RALGAPA2: variants seen among roughly 807,000 people sequenced by gnomAD.
The protein encoded by RALGAPA2 is Ral GTPase activating protein catalytic subunit alpha 2, also known as ral GTPase-activating protein subunit alpha-2.
Under a neutral mutation model 230.4 loss-of-function variants are expected in RALGAPA2, and 139 were observed. The ratio of observed to expected loss-of-function variants is 0.60; its 90% CI spans 0.53 to 0.69. RALGAPA2 has a LOEUF of 0.69. Ranked by LOEUF, RALGAPA2 falls within the 30% of genes least tolerant of loss-of-function variation. RALGAPA2 has a pLI of 0.00. For synonymous variants in RALGAPA2, 847 were observed against 837.8 expected, an observed-to-expected ratio of 1.01 and a Z score of -0.19; for missense variants, 2,163 against 2,276.0, an observed-to-expected ratio of 0.95 and a Z score of 1.01.
intron 3 of RALGAPA2, among the ~76,000 whole-genome samples, chr20:20,661,129 G>A (rs1434659808): frequency 6.6e-6 from 1 of 152,130 alleles, no homozygotes; most frequent in Non-Finnish European, 1.5e-5. Flanking sequence ...TGGAGTTAAA[G>A]TAAAAGTATA....
chr20:20,603,759 A>G (rs878999390), intron 15 of RALGAPA2, among the ~76,000 whole-genome samples: 2 of 152,308 alleles, frequency 1.3e-5, no homozygotes, highest in African/African-American at 4.8e-5. Context: ...GTCCAACCCA[A>G]ATTGCCAACT....
In RALGAPA2 at chr20:20,712,054, T is replaced by C. The variant is rs142825002; in HGVS notation, c.106+321A>G. 9.2e-5 allele frequency among the ~76,000 whole-genome samples: 14 copies of C among 152,014 alleles called. No homozygotes were observed. Among genetic ancestry groups the C allele is most frequent in the African/African-American group, 3.4e-4 (14 of 41,402 alleles). ...TTCAATGTGTGCACGTGATGACCAC[T>C]TGGGATCCAGTTCACTTGCTGGGAG... On this transcript the variant is annotated intron_variant, in intron 1 of 39. Transcript: ENST00000202677. This position sits in a 1 kb window ranked among gnomAD's most constrained non-coding sequence, Gnocchi z 5.5.
chr20:20,700,931 C>T (rs1301618932), intron 1 of RALGAPA2, among the ~76,000 whole-genome samples: 1 of 152,174 alleles, frequency 6.6e-6, no homozygotes, highest in Non-Finnish European at 1.5e-5. Context: ...TAAGCCATGA[C>T]GGACCAGCTC....
At chr20:20,637,635 T>A in intron 7 of RALGAPA2, 134 bp from the exon 8 acceptor site, 1 of 799,370 alleles carries the variant, frequency 1.3e-6, no homozygotes, top group Non-Finnish European at 1.9e-6. Context: ...GACAATCATG[T>A]AATGAAATAA....
intron 37 of RALGAPA2, among the ~76,000 whole-genome samples, chr20:20,433,050 G>C (rs1309675715): frequency 6.6e-6 from 1 of 152,228 alleles, no homozygotes; most frequent in Non-Finnish European, 1.5e-5. Flanking sequence ...TGCAAATTTA[G>C]TGGCAAGCCA....
chr20:20,396,604 G>T, intron 39 of RALGAPA2, 91 bp downstream of exon 39: 1 of 1,217,912 alleles, frequency 8.2e-7, no homozygotes, highest in Non-Finnish European at 1.2e-6. Context: ...CACTGATGCA[G>T]GGTCCGCTAC....
At chr20:20,670,597 G>A (rs1472035681) in intron 3 of RALGAPA2, among the ~76,000 whole-genome samples, 2 of 151,288 alleles carry the variant, frequency 1.3e-5, no homozygotes, top group African/African-American at 2.4e-5. Flanking sequence ...AGCAATGATG[G>A]ATGAAATATG....
intron 26 of RALGAPA2, among the ~76,000 whole-genome samples, chr20:20,534,105 C>CA (rs2063437050): frequency 6.6e-6 from 1 of 152,006 alleles, no homozygotes; most frequent in Non-Finnish European, 1.5e-5. Context: ...CAAAACGTGT[C>CA]AGAGATTAAA....
At chr20:20,692,583 C>T (rs1488556472) in intron 1 of RALGAPA2, among the ~76,000 whole-genome samples, 10 of 152,242 alleles carry the variant, frequency 6.6e-5, no homozygotes, top group Non-Finnish European at 8.8e-5. Flanking sequence ...ATGGTGGCAA[C>T]ATGCTCCTTG....
chr20:20,399,025 G>A (rs747919101), intron 38 of RALGAPA2, among the ~76,000 whole-genome samples: 1 of 152,166 alleles, frequency 6.6e-6, no homozygotes. Flanking sequence ...GTCTCAGAAG[G>A]CTCCACGGTG....
At chr20:20,410,117 C>G (rs777053432) in intron 38 of RALGAPA2, among the ~76,000 whole-genome samples, 8 of 152,166 alleles carry the variant, frequency 5.3e-5, no homozygotes, top group Non-Finnish European at 8.8e-5. Flanking sequence ...AATCTTCATT[C>G]TGCTAAGCAA....
chr20:20,471,169 G>A (rs1335362333), intron 37 of RALGAPA2: 1 of 152,172 alleles, frequency 6.6e-6, no homozygotes, highest in Non-Finnish European at 1.5e-5. Context: ...TAGTCCTGAT[G>A]TGTCACTGCT....
chr20:20,514,333 T>C (rs1270818263), intron 31 of RALGAPA2, among the ~76,000 whole-genome samples: 2 of 151,884 alleles, frequency 1.3e-5, no homozygotes, highest in East Asian at 1.9e-4. Flanking sequence ...TGCTTCACCC[T>C]TTATGTAGAG....
At chr20:20,597,631 G>A (rs74768768) in intron 16 of RALGAPA2, among the ~76,000 whole-genome samples, 3,297 of 152,142 alleles carry the variant, frequency 0.022, 128 homozygotes, top group African/African-American at 0.076. Flanking sequence ...ACGAAGTCAG[G>A]AGTTCAAGAC....
chr20:20,524,848 TGAG>T lies in RALGAPA2; in HGVS notation c.3741_3743del (p.Ser1248del), dbSNP rs1204502605. On this transcript the variant is annotated inframe_deletion, in exon 29 of 40. Transcript: ENST00000202677. ...CACCTACCTTCTTGTCTGTTTCCAC[TGAG>T]GAGTACTCTGCACTTGGTAAAAGAA... 1.2e-6 allele frequency: 2 copies of T among 1,607,690 alleles called. No individual in the cohort carries two copies. The highest frequency in any genetic ancestry group is 1.7e-6 in the Non-Finnish European group (2 of 1,177,790).
intron 23 of RALGAPA2, among the ~76,000 whole-genome samples, chr20:20,548,848 G>A (rs570728786): frequency 5.9e-5 from 9 of 152,296 alleles, no homozygotes; most frequent in East Asian, 1.9e-4. Flanking sequence ...GACTTGTCTC[G>A]GAATATCAGG....
intron 23 of RALGAPA2, among the ~76,000 whole-genome samples, chr20:20,558,556 A>T (rs2064158212): frequency 6.6e-6 from 1 of 152,148 alleles, no homozygotes; most frequent in African/African-American, 2.4e-5. Flanking sequence ...AAATAAAGAC[A>T]GGTCTTCCAC....
At chr20:20,682,580 G>A (rs2068558260) in intron 1 of RALGAPA2, among the ~76,000 whole-genome samples, 2 of 152,082 alleles carry the variant, frequency 1.3e-5, no homozygotes, top group South Asian at 4.2e-4. Context: ...CCCTGTCACA[G>A]AACACATCAC....
At chr20:20,632,047 CAG>C (rs1170559436) in intron 9 of RALGAPA2, among the ~76,000 whole-genome samples, 1 of 149,210 alleles carries the variant, frequency 6.7e-6, no homozygotes, top group Non-Finnish European at 1.5e-5. Flanking sequence ...TTTTTTGAGA[CAG>C]AGTCTCGCTC....
Sources: gnomAD v4.1 joint callset for allele counts (sites outside exome capture counted in the v4.1 genomes callset) on GRCh38, gnomAD v4.1.1 for gene constraint, Gnocchi (gnomAD v3.1) non-coding constraint, MANE v1.5 for transcripts, NCBI Gene and HGNC (gene_info 2026-07-23, HGNC 2026-07-21) for gene names.